WDR72: variants seen among roughly 807,000 people sequenced by gnomAD.
WDR72 encodes the protein WD repeat domain 72, also known as WD repeat-containing protein 72.
WDR72 carries 120 observed loss-of-function variants against 124.2 expected under a neutral mutation model. The observed-to-expected ratio is 0.97, with a 90% CI of 0.83 to 1.12. The LOEUF is 1.12. Among genes scored for constraint, WDR72 ranks in the 50% most tolerant of loss-of-function variants. The pLI, the probability that WDR72 is intolerant of heterozygous loss-of-function variation, is 0.00. For synonymous variants in WDR72, 452 were observed against 441.7 expected (o/e 1.02, Z -0.29); for missense variants, 1,387 against 1,278.8 (o/e 1.08, Z -1.29).
intron 18 of WDR72, among the ~76,000 whole-genome samples, chr15:53,592,067 T>TCA (rs2012535439): frequency 1.3e-5 from 2 of 152,050 alleles, no homozygotes; most frequent in Non-Finnish European, 2.9e-5. Flanking sequence ...ATTATCACTG[T>TCA]GCTTTGCCCC....
intron 14 of WDR72, among the ~76,000 whole-genome samples, chr15:53,621,539 A>C (rs1045229520): frequency 6.6e-6 from 1 of 150,976 alleles, no homozygotes; most frequent in Admixed American, 6.6e-5. Context: ...GTATCTCAGG[A>C]ATGGAAAATC....
intron 14 of WDR72, among the ~76,000 whole-genome samples, chr15:53,641,247 A>C (rs1252176598): frequency 6.6e-6 from 1 of 152,042 alleles, no homozygotes; most frequent in African/African-American, 2.4e-5. Flanking sequence ...CATCTTTAAC[A>C]AAGAGTAGGT....
intron 18 of WDR72, among the ~76,000 whole-genome samples, chr15:53,582,372 T>C (rs1456064147): frequency 1.3e-5 from 2 of 151,984 alleles, no homozygotes; most frequent in African/African-American, 2.4e-5. Flanking sequence ...ACTGCTTTCT[T>C]AAGCTATATC....
chr15:53,583,061 T>G (rs888463724), intron 18 of WDR72, among the ~76,000 whole-genome samples: 7 of 152,038 alleles, frequency 4.6e-5, no homozygotes, highest in Admixed American at 3.9e-4. Context: ...ACATAATGCC[T>G]CATGAAATAG....
At chr15:53,656,714 T>A (rs1330053392) in intron 14 of WDR72, among the ~76,000 whole-genome samples, 1 of 152,144 alleles carries the variant, frequency 6.6e-6, no homozygotes, top group Non-Finnish European at 1.5e-5. Context: ...TCTACAAACA[T>A]CATTTTTTTC....
At chr15:53,627,259 T>G (rs2014248018) in intron 14 of WDR72, among the ~76,000 whole-genome samples, 1 of 152,222 alleles carries the variant, frequency 6.6e-6, no homozygotes, top group African/African-American at 2.4e-5. Context: ...AGCTAAACAT[T>G]CATTTTACAA....
intron 14 of WDR72, among the ~76,000 whole-genome samples, chr15:53,631,119 G>A (rs1182138785): frequency 6.6e-6 from 1 of 152,158 alleles, no homozygotes; most frequent in Non-Finnish European, 1.5e-5. Flanking sequence ...GGTGCCTGGT[G>A]AGAACTGATT....
chr15:53,667,350 T>C (rs990734339), intron 13 of WDR72, among the ~76,000 whole-genome samples: 3 of 151,998 alleles, frequency 2.0e-5, no homozygotes, highest in Non-Finnish European at 4.4e-5. Flanking sequence ...CGAGACCCTG[T>C]CTCAAAAAAG....
At chr15:53,582,791 T>A (rs1338672853) in intron 18 of WDR72, among the ~76,000 whole-genome samples, 2 of 151,996 alleles carry the variant, frequency 1.3e-5, no homozygotes, top group Non-Finnish European at 2.9e-5. Context: ...TTTCAATTTA[T>A]AAACATCGTA....
At chr15:53,662,445 C>T (rs991560752) in intron 14 of WDR72, among the ~76,000 whole-genome samples, 8 of 152,132 alleles carry the variant, frequency 5.3e-5, no homozygotes, top group African/African-American at 1.7e-4. Context: ...TGTTGCCAAA[C>T]ACAAAAAGCT....
At chr15:53,576,129 A>G (rs1253568405) in intron 18 of WDR72, among the ~76,000 whole-genome samples, 1 of 151,088 alleles carries the variant, frequency 6.6e-6, no homozygotes, top group African/African-American at 2.5e-5. Context: ...ATTGTATTCT[A>G]ATTACACCCC....
At chr15:53,713,888 T>C (rs1368003805) in intron 6 of WDR72, among the ~76,000 whole-genome samples, 2 of 152,162 alleles carry the variant, frequency 1.3e-5, no homozygotes, top group African/African-American at 2.4e-5. Context: ...ACCATCACAA[T>C]TCCTAGGCTT....
chr15:53,682,119 C>G (rs1204339607), intron 13 of WDR72, among the ~76,000 whole-genome samples: 1 of 152,150 alleles, frequency 6.6e-6, no homozygotes, highest in Admixed American at 6.5e-5. Flanking sequence ...CCAGAAACCA[C>G]TTCATGCAGA....
intron 14 of WDR72, among the ~76,000 whole-genome samples, chr15:53,619,865 T>G (rs754182600): frequency 7.9e-5 from 12 of 152,076 alleles, no homozygotes; most frequent in Non-Finnish European, 1.6e-4. Flanking sequence ...AATTTTAAAA[T>G]AGCTTACTCT....
At chr15:53,547,932 A>G (rs908834743) in intron 18 of WDR72, among the ~76,000 whole-genome samples, 1 of 151,212 alleles carries the variant, frequency 6.6e-6, no homozygotes, top group Admixed American at 6.6e-5. Context: ...AATGCTGGAC[A>G]GCAAAAAAAG....
At chr15:53,639,567 TATA>T (rs2014768023) in intron 14 of WDR72, among the ~76,000 whole-genome samples, 1 of 147,506 alleles carries the variant, frequency 6.8e-6, no homozygotes, top group Non-Finnish European at 1.5e-5. Context: ...TAAAATTATA[TATA>T]ATGTTATAAA....
chr15:53,701,784 C>A (rs1285779317), intron 12 of WDR72, among the ~76,000 whole-genome samples: 1 of 151,600 alleles, frequency 6.6e-6, no homozygotes, highest in Admixed American at 6.6e-5. Flanking sequence ...CCTTGAGTAT[C>A]TACTTTTTTA....
chr15:53,519,193 A>T (rs1660404529), intron 19 of WDR72, among the ~76,000 whole-genome samples: 1 of 152,128 alleles, frequency 6.6e-6, no homozygotes, highest in Admixed American at 6.6e-5. Context: ...TCATCGAATG[A>T]GTTTAAAGAT....
At chr15:53,661,684 T>C (rs2015614908) in intron 14 of WDR72, among the ~76,000 whole-genome samples, 2 of 152,210 alleles carry the variant, frequency 1.3e-5, no homozygotes, top group Admixed American at 6.5e-5. Context: ...AGTAGATACA[T>C]TAAAAAAAGG....
Sources: allele counts gnomAD v4.1 joint callset (sites outside exome capture counted in the v4.1 genomes callset), GRCh38; gene constraint gnomAD v4.1.1; transcripts MANE v1.5; gene names NCBI Gene and HGNC (gene_info 2026-07-23, HGNC 2026-07-21).